Variants in TCF7L1 observed in about 807,000 individuals in gnomAD.
TCF7L1 encodes the protein transcription factor 7 like 1, also known as transcription factor 7-like 1.
TCF7L1 carries 18 observed loss-of-function variants against 63.7 expected under a neutral mutation model. The observed-to-expected ratio is 0.28, with a 90% confidence interval of 0.20 to 0.42. The LOEUF is 0.42. Ranked by LOEUF, TCF7L1 falls within the 10% of genes least tolerant of loss-of-function variation. The pLI is 1.00. For missense variants in TCF7L1, 654 were observed against 779.3 expected (o/e 0.84, Z 1.91); for synonymous variants, 355 against 340.9 (o/e 1.04, Z -0.46).
At chr2:85,157,398 G>GT (rs1448775472) in intron 3 of TCF7L1, among the ~76,000 whole-genome samples, 1 of 152,230 alleles carries the variant, frequency 6.6e-6, no homozygotes, top group Non-Finnish European at 1.5e-5. Context: ...GACCCTGCAA[G>GT]TAGGAACTGG....
intron 4 of TCF7L1, among the ~76,000 whole-genome samples, chr2:85,293,208 G>C (rs1681766529): frequency 1.3e-5 from 2 of 151,606 alleles, no homozygotes; most frequent in Non-Finnish European, 1.5e-5. Context: ...CCCAAATCTT[G>C]TGTCTAACTG....
At position 85,138,492 on chromosome 2, in the gene TCF7L1, TTC is replaced by T. The variant is rs200858558; in HGVS notation, c.441+4044_441+4045del. On this transcript the variant is annotated intron_variant, in intron 3 of 11. Coordinates refer to ENST00000282111, the MANE Select transcript of TCF7L1 (RefSeq NM_031283.3). ...TTGAGCCATTTCATCTAAATATAAC[TTC>T]TGTTTCATTTTTTTTTCTAAATATA... 4.5e-3 allele frequency among the ~76,000 whole-genome samples: 693 copies of T among 152,356 alleles called. 4 individuals carry two copies. Among genetic ancestry groups the T allele is most frequent in the African/African-American group, 0.016 (658 of 41,572 alleles).
chr2:85,225,546 A>G (rs1281252251), intron 3 of TCF7L1, among the ~76,000 whole-genome samples: 2 of 152,130 alleles, frequency 1.3e-5, no homozygotes, highest in Non-Finnish European at 2.9e-5. Context: ...GTAATTGTGA[A>G]TGGGAGTTCA....
At chr2:85,223,907 T>G (rs1459564795) in intron 3 of TCF7L1, among the ~76,000 whole-genome samples, 1 of 152,200 alleles carries the variant, frequency 6.6e-6, no homozygotes, top group Non-Finnish European at 1.5e-5. Context: ...TCATTTACAT[T>G]AGGTATTTCT....
Position 85,309,311 on chromosome 2 carries a change from C to T in TCF7L1, c.1616C>T (p.Pro539Leu), listed in dbSNP as rs766796846. The change falls in exon 12 of 12, where the codon CCT becomes CTT. Residue 539 changes from proline (P) to leucine (L), a missense_variant. Around this residue, in one of 3 missense-constraint regions of TCF7L1, gnomAD observed 184 missense variants for 204.0 expected, o/e 0.90. Transcript: ENST00000282111. The part of the protein sequence containing the change: ...ASSSGQMGSQ[P>L]PLLSRPLPLG... Reference sequence around the variant, plus strand: ...TCCTCTGGGCAGATGGGCAGCCAGCCTCCCCTCCTGTCCCGGCCCCTCCCC... The same window carrying T: ...TCCTCTGGGCAGATGGGCAGCCAGCTTCCCCTCCTGTCCCGGCCCCTCCCC... 2 of 1,613,510 alleles carry T rather than the reference C, an allele frequency of 1.2e-6. No individual in the cohort carries two copies. The highest frequency in any genetic ancestry group is 2.2e-5 in the South Asian group (2 of 91,052).
chr2:85,242,668 G>A (rs1325893086), intron 3 of TCF7L1, among the ~76,000 whole-genome samples: 8 of 152,172 alleles, frequency 5.3e-5, no homozygotes, highest in Non-Finnish European at 2.9e-5. Context: ...TTGTCCCCAG[G>A]CTCAGTCTTC....
intron 3 of TCF7L1, among the ~76,000 whole-genome samples, chr2:85,203,307 T>C (rs1679321222): frequency 1.3e-5 from 2 of 152,218 alleles, no homozygotes; most frequent in African/African-American, 4.8e-5. Context: ...ACAGGTGAGT[T>C]GCCAAACTCA....
At chr2:85,257,978 C>T (rs761576265) in intron 3 of TCF7L1, among the ~76,000 whole-genome samples, 1 of 152,210 alleles carries the variant, frequency 6.6e-6, no homozygotes, top group Non-Finnish European at 1.5e-5. Context: ...CTCCACAACC[C>T]CTAGCTGTGT....
At position 85,302,414 on chromosome 2, in the gene TCF7L1, C is replaced by T. The variant is rs1040612429; in HGVS notation, c.526-70C>T. ...GAAAATACCTGGCACTTACTTGATT[C>T]CATAAATAACAGCTGGTCATACTCT... On this transcript the variant is annotated intron_variant, in intron 4 of 11. Transcript: ENST00000282111. The T allele has an allele frequency of 3.1e-6, 5 of 1,606,654 alleles. No individual in the cohort carries two copies. The African/African-American group carries it at 5.3e-5, about 17-fold the overall frequency.
chr2:85,194,077 C>T (rs1679096128), intron 3 of TCF7L1, among the ~76,000 whole-genome samples: 1 of 151,796 alleles, frequency 6.6e-6, no homozygotes, highest in Admixed American at 6.6e-5. Flanking sequence ...GGAAGGTGAC[C>T]CCCTGGGAGT....
At chr2:85,144,705 TTCTCTCTCTC>T (rs59431131) in intron 3 of TCF7L1, among the ~76,000 whole-genome samples, 1 of 146,308 alleles carries the variant, frequency 6.8e-6, no homozygotes, top group Non-Finnish European at 1.5e-5. Context: ...CCATCCCCCT[TTCTCTCTCTC>T]TCTCTGTGTG....
chr2:85,208,987 C>A (rs745821426), intron 3 of TCF7L1, among the ~76,000 whole-genome samples: 1 of 152,140 alleles, frequency 6.6e-6, no homozygotes, highest in Non-Finnish European at 1.5e-5. Flanking sequence ...TTACAGGAGT[C>A]ATAGAATAAC....
chr2:85,252,453 CTGACCCAAGCCTCGGTG>C (rs996967719), intron 3 of TCF7L1, among the ~76,000 whole-genome samples: 6 of 152,276 alleles, frequency 3.9e-5, no homozygotes, highest in African/African-American at 9.6e-5. Flanking sequence ...CTCTACTACC[CTGACCCAAGCCTCGGTG>C]TGACCCAAGC....
At chr2:85,180,079 G>A (rs900055085) in intron 3 of TCF7L1, among the ~76,000 whole-genome samples, 14 of 152,030 alleles carry the variant, frequency 9.2e-5, no homozygotes, top group Admixed American at 7.2e-4. Context: ...ACAGCTGCAA[G>A]GACTGTTGGA....
chr2:85,162,002 C>G (rs1350388037), intron 3 of TCF7L1, among the ~76,000 whole-genome samples: 2 of 151,994 alleles, frequency 1.3e-5, no homozygotes, highest in Admixed American at 1.3e-4. Flanking sequence ...GTGGTCTGCC[C>G]TCAAGATAGA....
In TCF7L1 at chr2:85,179,201, G is replaced by A. The variant is rs116498204; in HGVS notation, c.441+44751G>A. 5.7e-3 allele frequency among the ~76,000 whole-genome samples: 865 copies of A among 152,254 alleles called. 15 individuals are homozygous for A. The highest frequency in any genetic ancestry group is 0.02 in the African/African-American group (834 of 41,548). ...ACTCACCCTGAGTTCAAAATGATAC[G>A]ACCTAGGGAATGAAATTGGGACCAC... On this transcript the variant is annotated intron_variant, in intron 3 of 11. Transcript: ENST00000282111.
chr2:85,293,058 T>G (rs578044692), intron 4 of TCF7L1, among the ~76,000 whole-genome samples: 2 of 152,326 alleles, frequency 1.3e-5, no homozygotes, highest in South Asian at 4.1e-4. Context: ...GCTATCCAGG[T>G]CATGTCCTTC....
At chr2:85,290,873 T>G (rs1340232089) in intron 4 of TCF7L1, among the ~76,000 whole-genome samples, 1 of 152,210 alleles carries the variant, frequency 6.6e-6, no homozygotes, top group East Asian at 1.9e-4. Context: ...CACCATTCAT[T>G]CTCTGTCCTT....
intron 4 of TCF7L1, among the ~76,000 whole-genome samples, chr2:85,292,831 G>C (rs1681757610): frequency 2.6e-5 from 4 of 152,246 alleles, no homozygotes. Flanking sequence ...GGCTGCCTTA[G>C]CCTCCCAAAG....
Sources: gnomAD v4.1 joint callset for allele counts (sites outside exome capture counted in the v4.1 genomes callset) on GRCh38, gnomAD v4.1.1 for gene constraint, gnomAD v4.1.1 regional missense constraint, MANE v1.5 for transcripts, NCBI Gene and HGNC (gene_info 2026-07-23, HGNC 2026-07-21) for gene names.